The following ADAM7 variants were observed in gnomAD, a reference collection of about 807,000 sequenced individuals.
ADAM7 encodes disintegrin and metalloproteinase domain-containing protein 7.
In ADAM7, 97 loss-of-function variants were observed where a neutral mutation model predicts 102.9. The observed-to-expected ratio is 0.94, with a 90% CI of 0.80 to 1.12. The LOEUF is 1.12. Ranked by LOEUF, ADAM7 falls within the 50% of genes most tolerant of loss-of-function variation. ADAM7 has a pLI of 0.00. For missense variants in ADAM7, 991 were observed against 908.7 expected (o/e 1.09, Z -1.16); for synonymous variants, 334 against 304.4 (o/e 1.10, Z -1.01).
chr8:24,480,842 C>T (rs1819925000), intron 8 of ADAM7, among the ~76,000 whole-genome samples: 1 of 152,008 alleles, frequency 6.6e-6, no homozygotes, highest in Admixed American at 6.6e-5. Context: ...GAGTTCAAGA[C>T]TAGACTGGGC....
At chr8:24,446,726 G>C (rs1023885348) in intron 2 of ADAM7, among the ~76,000 whole-genome samples, 3 of 151,686 alleles carry the variant, frequency 2.0e-5, no homozygotes, top group African/African-American at 7.3e-5. Flanking sequence ...TGCGTGAACA[G>C]GATATCTGTG....
chr8:24,505,972 G>C (rs968864265), intron 20 of ADAM7: 20 of 723,992 alleles, frequency 2.8e-5, no homozygotes, highest in Non-Finnish European at 3.5e-5. Flanking sequence ...TTATAGACAG[G>C]CCCTGAGATA....
At chr8:24,468,230 C>G (rs543068693) in intron 6 of ADAM7, among the ~76,000 whole-genome samples, 1 of 151,740 alleles carries the variant, frequency 6.6e-6, no homozygotes, top group South Asian at 2.1e-4. Flanking sequence ...TGTTTTAACT[C>G]TCAGTTACAG....
intron 6 of ADAM7, 104 bp downstream of exon 6, chr8:24,467,092 CT>C (rs1397410193): frequency 1.8e-6 from 2 of 1,125,960 alleles, no homozygotes; most frequent in African/African-American, 3.1e-5. Flanking sequence ...ATATGTGCTA[CT>C]TTCAGTCTGG....
rs139260406 is a variant in ADAM7 at position 24,442,639 on chromosome 8, T to A, written c.156+63T>A. 119 of 1,308,060 alleles carry A rather than the reference T, an allele frequency of 9.1e-5. No homozygotes were observed. In the East Asian group the frequency reaches 2.2e-3, roughly 24 times the overall value. 81.0% of individuals were successfully genotyped at this position (1,308,060 alleles called of 1,614,324 possible). ...TCACAGGCATGTAGACAGTTGTCTC[T>A]AGCTCCAACCAGAAGCAAATAGGGA... On this transcript the variant is annotated intron_variant, in intron 2 of 21. Transcript: ENST00000175238.
At chr8:24,460,966 C>A (rs763880264) in intron 3 of ADAM7, among the ~76,000 whole-genome samples, 3 of 152,042 alleles carry the variant, frequency 2.0e-5, no homozygotes, top group Non-Finnish European at 4.4e-5. Flanking sequence ...TAGCATAGAT[C>A]TGTGGCAAAA....
chr8:24,483,722 G>A (rs545258191), intron 9 of ADAM7, among the ~76,000 whole-genome samples: 6 of 152,264 alleles, frequency 3.9e-5, no homozygotes, highest in Admixed American at 6.5e-5. Context: ...GGAATGGAGC[G>A]TGGTAAAACA....
rs1392495947 is a variant in ADAM7 at position 24,500,855 on chromosome 8, G to A, written c.2068G>A (p.Val690Ile). Residue 690 changes from valine (V) to isoleucine (I), a missense_variant, in exon 19 of 22, where the codon GTT becomes ATT. Transcript: ENST00000175238. Reference sequence around the variant, plus strand: ...CGGTATCGGAGTTCTTATACTATTAGTTCGTTACCGAAAATGTATCAAGTT... The same window carrying A: ...CGGTATCGGAGTTCTTATACTATTAATTCGTTACCGAAAATGTATCAAGTT... ...IVGIGVLILL[V>I]RYRKCIKLKQ... The A allele has an allele frequency of 1.2e-6, 2 of 1,613,028 alleles. No individual in the cohort carries two copies. The highest frequency in any genetic ancestry group is 1.7e-6 in the Non-Finnish European group (2 of 1,179,428).
At chr8:24,486,803 T>G (rs1186312017) in intron 10 of ADAM7, among the ~76,000 whole-genome samples, 1 of 152,136 alleles carries the variant, frequency 6.6e-6, no homozygotes, top group Non-Finnish European at 1.5e-5. Context: ...AGACTTCACC[T>G]CCTAGTGTCA....
At chr8:24,459,357 TC>T (rs1437191279) in intron 3 of ADAM7, among the ~76,000 whole-genome samples, 1 of 152,054 alleles carries the variant, frequency 6.6e-6, no homozygotes, top group African/African-American at 2.4e-5. Flanking sequence ...TAGTGATAAC[TC>T]TTTTTAAATT....
chr8:24,468,890 G>C, intron 7 of ADAM7, 70 bp downstream of exon 7: 5 of 1,394,136 alleles, frequency 3.6e-6, no homozygotes, highest in Non-Finnish European at 4.0e-6. Context: ...TTCTAGCATA[G>C]AGAGAAAGGT....
At position 24,441,152 on chromosome 8, in the gene ADAM7, A is replaced by G; in HGVS notation, c.44A>G (p.Gln15Arg). The G allele has an allele frequency of 6.2e-7, 1 of 1,612,948 alleles. No homozygotes were observed. Among genetic ancestry groups the G allele is most frequent in the Non-Finnish European group, 8.5e-7 (1 of 1,178,930 alleles). Reference sequence around the variant, plus strand: ...TTCTTGATGATTTTACTCATTCCTCAGGTTAAAGGTATGTCTTGCTCTTTT... The same window carrying G: ...TTCTTGATGATTTTACTCATTCCTCGGGTTAAAGGTATGTCTTGCTCTTTT... ...CIFLMILLIPQVKEKFILGVE... is the reference protein window; with the variant it reads ...CIFLMILLIPRVKEKFILGVE... Residue 15 changes from glutamine (Q) to arginine (R), a missense_variant, in exon 1 of 22, where the codon CAG (glutamine) becomes CGG (arginine). Gln to Arg is a conservative substitution (Grantham distance 43, BLOSUM62 1). Coordinates refer to ENST00000175238, the MANE Select transcript of ADAM7 (RefSeq NM_003817.4).
At chr8:24,507,352 G>C in intron 20 of ADAM7, 128 bp from the exon 21 acceptor site, 1 of 660,668 alleles carries the variant, frequency 1.5e-6, no homozygotes, top group South Asian at 2.2e-5. Context: ...ATTTTTCATG[G>C]AGCAAGCAGA....
rs919586442 is a variant in ADAM7 at position 24,490,796 on chromosome 8, C to T, written c.1267-3C>T. 2 of 1,612,090 alleles carry T rather than the reference C, an allele frequency of 1.2e-6. No individual in the cohort carries two copies. Among genetic ancestry groups the T allele is most frequent in the Non-Finnish European group, 1.7e-6 (2 of 1,179,190 alleles). On this transcript the variant is annotated splice_region_variant and splice_polypyrimidine_tract_variant and intron_variant, in intron 12 of 21. Coordinates refer to ENST00000175238, the MANE Select transcript of ADAM7 (RefSeq NM_003817.4). ...CTCATCTCTCTTTTGTGGTTATTGC[C>T]AGGAGTGTACTAATCCTTGCTGTGA...
chr8:24,492,974 T>C (rs1406044428), intron 15 of ADAM7, 69 bp from the exon 16 acceptor site: 1 of 1,445,752 alleles, frequency 6.9e-7, no homozygotes, highest in Non-Finnish European at 9.2e-7. Context: ...ACCGGGAGGC[T>C]CCATTGCCAG....
At chr8:24,482,102 G>A in intron 8 of ADAM7, 40 bp from the exon 9 acceptor site, 1 of 1,455,498 alleles carries the variant, frequency 6.9e-7, no homozygotes, top group Non-Finnish European at 9.3e-7. Context: ...ACTGTTTCCA[G>A]CAACTTGACT....
At chr8:24,468,650 T>C in intron 6 of ADAM7, 117 bp from the exon 7 acceptor site, 2 of 835,306 alleles carry the variant, frequency 2.4e-6, no homozygotes, top group East Asian at 5.2e-5. Flanking sequence ...TGCCTCCCCA[T>C]TTTGTATCAA....
intron 3 of ADAM7, among the ~76,000 whole-genome samples, chr8:24,453,619 G>T (rs1485471825): frequency 6.6e-6 from 1 of 152,148 alleles, no homozygotes; most frequent in Non-Finnish European, 1.5e-5. Flanking sequence ...GCTCGGAGTA[G>T]TTTGATCGTC....
chr8:24,491,678 A>G (rs888227490), intron 13 of ADAM7, among the ~76,000 whole-genome samples: 1 of 152,154 alleles, frequency 6.6e-6, no homozygotes, highest in African/African-American at 2.4e-5. Flanking sequence ...ACTCTCCCTA[A>G]GGCTGCTGTA....
Sources: allele counts gnomAD v4.1 joint callset (sites outside exome capture counted in the v4.1 genomes callset), GRCh38; gene constraint gnomAD v4.1.1; transcripts MANE v1.5; gene names NCBI Gene and HGNC (gene_info 2026-07-23, HGNC 2026-07-21).